The following CHST11 variants were observed in gnomAD, a reference collection of about 807,000 sequenced individuals.
The protein encoded by CHST11 is C4S-1.
Under a neutral mutation model 30.4 loss-of-function variants are expected in CHST11, and 9 were observed. The observed-to-expected ratio is 0.30, with a 90% CI of 0.18 to 0.52. The LOEUF is 0.52. Ranked by LOEUF, CHST11 falls within the 20% of genes least tolerant of loss-of-function variation. The probability of loss-of-function intolerance (pLI) is 0.97; values close to 1 mark genes in which losing one functional copy is unlikely to be tolerated. For synonymous variants in CHST11, 152 were observed against 187.8 expected (o/e 0.81, Z 1.56); for missense variants, 348 against 460.6 (o/e 0.76, Z 2.24).
At chr12:104,728,637 T>C (rs1566056404) in intron 2 of CHST11, among the ~76,000 whole-genome samples, 2 of 152,296 alleles carry the variant, frequency 1.3e-5, no homozygotes, top group East Asian at 3.9e-4. Flanking sequence ...GTCCCACTGG[T>C]TTGACTCAAG....
intron 2 of CHST11, among the ~76,000 whole-genome samples, chr12:104,602,581 C>T (rs1326209864): frequency 6.6e-6 from 1 of 152,220 alleles, no homozygotes; most frequent in African/African-American, 2.4e-5. Context: ...AAAGTGTCTT[C>T]TGTGGAAAGC....
In CHST11 at chr12:104,723,372, C is replaced by G. The variant is rs566959215; in HGVS notation, c.205-33577C>G. ...ACAGCCTGGCGGGCGGGGTGGGCGT[C>G]TGGGGGGCCGTGGGTCTGCCCCAGG... is the stretch of plus-strand genomic sequence containing the variant. On this transcript the variant is annotated intron_variant, in intron 2 of 2. Coordinates refer to ENST00000303694, the MANE Select transcript of CHST11 (RefSeq NM_018413.6). Among the ~76,000 whole-genome samples, 582 of 152,330 alleles carry G rather than the reference C, an allele frequency of 3.8e-3. 3 individuals are homozygous for G. Among genetic ancestry groups the G allele is most frequent in the African/African-American group, 0.013 (553 of 41,572 alleles).
chr12:104,494,531 C>A (rs780978430), intron 1 of CHST11, among the ~76,000 whole-genome samples: 20 of 152,194 alleles, frequency 1.3e-4, no homozygotes, highest in South Asian at 4.1e-4. Context: ...CGTTCTAAGT[C>A]AGAATATTCC....
intron 1 of CHST11, among the ~76,000 whole-genome samples, chr12:104,593,471 C>T (rs1315798626): frequency 6.6e-6 from 1 of 152,134 alleles, no homozygotes; most frequent in Non-Finnish European, 1.5e-5. Flanking sequence ...CTCACTGTTT[C>T]GAGGCTCCTG....
intron 2 of CHST11, among the ~76,000 whole-genome samples, chr12:104,745,408 C>T (rs570948515): frequency 1.3e-5 from 2 of 152,276 alleles, no homozygotes; most frequent in South Asian, 4.1e-4. Context: ...TTAGGATTCC[C>T]TTGGCTATTC....
At chr12:104,573,641 A>G (rs1274884982) in intron 1 of CHST11, among the ~76,000 whole-genome samples, 1 of 152,254 alleles carries the variant, frequency 6.6e-6, no homozygotes, top group African/African-American at 2.4e-5. Context: ...TGGTGCTGGG[A>G]AAACTGGCTA....
chr12:104,538,268 T>C (rs188150798), intron 1 of CHST11, among the ~76,000 whole-genome samples: 6 of 152,290 alleles, frequency 3.9e-5, no homozygotes, highest in East Asian at 3.9e-4. Flanking sequence ...CATTCCTCAA[T>C]TGGGATTTTT....
chr12:104,480,449 G>T (rs1037319223), intron 1 of CHST11, among the ~76,000 whole-genome samples: 1 of 151,912 alleles, frequency 6.6e-6, no homozygotes, highest in Admixed American at 6.6e-5. Flanking sequence ...ATGGTGGCGG[G>T]TGCCTGTAAT....
chr12:104,757,981 G>T lies in CHST11; in HGVS notation c.*178G>T. Reference sequence around the variant, plus strand: ...AGGGAAGGACAGCTGTCTTTGCAGGGGAAATAGGATGGGTCGTCCTTGTCT... The same window carrying T: ...AGGGAAGGACAGCTGTCTTTGCAGGTGAAATAGGATGGGTCGTCCTTGTCT... On this transcript the variant is annotated 3_prime_UTR_variant, in exon 3 of 3. Transcript: ENST00000303694. This position sits in a 1 kb window ranked among gnomAD's most constrained non-coding sequence, Gnocchi z 6.5. The T allele has an allele frequency of 1.4e-6, 1 of 690,326 alleles. No individual in the cohort carries two copies. Among genetic ancestry groups the T allele is most frequent in the Non-Finnish European group, 2.4e-6 (1 of 425,248 alleles). The allele number at this position is 690,326 out of a possible 1,614,324, so 42.8% of individuals were successfully genotyped here.
intron 2 of CHST11, among the ~76,000 whole-genome samples, chr12:104,706,980 A>C (rs2040041508): frequency 6.6e-6 from 1 of 152,156 alleles, no homozygotes; most frequent in South Asian, 2.1e-4. Context: ...TAGACTGGAA[A>C]GAAAATACGG....
intron 2 of CHST11, among the ~76,000 whole-genome samples, chr12:104,722,143 C>G (rs1030210549): frequency 8.7e-6 from 1 of 115,096 alleles, no homozygotes; most frequent in Non-Finnish European, 1.7e-5. Flanking sequence ...CGCATACTAC[C>G]ACACTCAGCT....
chr12:104,685,426 T>C, intron 2 of CHST11, among the ~76,000 whole-genome samples: 1 of 152,226 alleles, frequency 6.6e-6, no homozygotes, highest in East Asian at 1.9e-4. Context: ...TTGAGAAAAG[T>C]TATACCATGA....
intron 2 of CHST11, among the ~76,000 whole-genome samples, chr12:104,648,181 T>C (rs1432202201): frequency 2.6e-5 from 4 of 152,240 alleles, no homozygotes; most frequent in African/African-American, 9.6e-5. Flanking sequence ...TAATTGCTTC[T>C]TCACCAGTCC....
intron 1 of CHST11, among the ~76,000 whole-genome samples, chr12:104,568,686 A>G (rs1018127733): frequency 6.6e-6 from 1 of 152,168 alleles, no homozygotes; most frequent in Non-Finnish European, 1.5e-5. Flanking sequence ...TTAAACCTGC[A>G]GGCAGTATTA....
chr12:104,553,629 C>T (rs1297124676), intron 1 of CHST11, among the ~76,000 whole-genome samples: 2 of 150,428 alleles, frequency 1.3e-5, no homozygotes, highest in African/African-American at 5.0e-5. Flanking sequence ...GTGCCACACC[C>T]TTAAACCATC....
chr12:104,547,971 G>A (rs79078410), intron 1 of CHST11, among the ~76,000 whole-genome samples: 5,874 of 152,190 alleles, frequency 0.039, 397 homozygotes, highest in African/African-American at 0.13. Context: ...GTGGATGAGG[G>A]GGTGAAGCTG....
intron 2 of CHST11, among the ~76,000 whole-genome samples, chr12:104,702,970 G>T (rs1462654215): frequency 6.6e-6 from 1 of 152,138 alleles, no homozygotes. Context: ...GACGGCAGGC[G>T]TGTGGTCACC....
chr12:104,590,396 G>A (rs564055767), intron 1 of CHST11, among the ~76,000 whole-genome samples: 1 of 152,332 alleles, frequency 6.6e-6, no homozygotes, highest in Non-Finnish European at 1.5e-5. Context: ...TTGGACTGGG[G>A]TGACTGTATT....
At chr12:104,535,678 G>A (rs796716531) in intron 1 of CHST11, among the ~76,000 whole-genome samples, 3 of 152,200 alleles carry the variant, frequency 2.0e-5, no homozygotes, top group African/African-American at 7.2e-5. Context: ...AGGGGAGGGC[G>A]GAATGGGTGG....
Sources: allele counts gnomAD v4.1 joint callset (sites outside exome capture counted in the v4.1 genomes callset), GRCh38; gene constraint gnomAD v4.1.1; non-coding constraint Gnocchi (gnomAD v3.1); transcripts MANE v1.5; gene names NCBI Gene and HGNC (gene_info 2026-07-23, HGNC 2026-07-21).